The following PTPRN2 variants were observed in gnomAD, a reference collection of about 807,000 sequenced individuals.
The protein encoded by PTPRN2 is receptor-type tyrosine-protein phosphatase N2.
PTPRN2 carries 74 observed loss-of-function variants against 118.8 expected under a neutral mutation model. The observed-to-expected ratio is 0.62, with a 90% CI of 0.52 to 0.76. The LOEUF (loss-of-function observed/expected upper bound fraction) is 0.76. Ranked by LOEUF, PTPRN2 falls within the 30% of genes least tolerant of loss-of-function variation. The probability of loss-of-function intolerance (pLI) is 0.00; values close to 1 mark genes in which losing one functional copy is unlikely to be tolerated. For synonymous variants in PTPRN2, 641 were observed against 608.0 expected (o/e 1.05, Z -0.80); for missense variants, 1,481 against 1,394.4 (o/e 1.06, Z -0.99).
At chr7:158,070,490 G>GTA (rs1337555077) in intron 11 of PTPRN2, among the ~76,000 whole-genome samples, 5 of 142,904 alleles carry the variant, frequency 3.5e-5, no homozygotes, top group African/African-American at 5.5e-5. Context: ...GCTCCTGGTG[G>GTA]TGGAGGTGCC....
At chr7:158,285,965 A>G (rs886547679) in intron 3 of PTPRN2, among the ~76,000 whole-genome samples, 2 of 152,096 alleles carry the variant, frequency 1.3e-5, no homozygotes, top group Non-Finnish European at 2.9e-5. Context: ...GCTAAACACA[A>G]CCAATTCCTG....
At chr7:158,083,453 C>T (rs1213700376) in intron 10 of PTPRN2, among the ~76,000 whole-genome samples, 1 of 152,182 alleles carries the variant, frequency 6.6e-6, no homozygotes, top group African/African-American at 2.4e-5. Flanking sequence ...GATTCCCTGA[C>T]AGATGGGACT....
intron 11 of PTPRN2, among the ~76,000 whole-genome samples, chr7:158,038,934 A>AT (rs1279625345): frequency 6.6e-6 from 1 of 152,148 alleles, no homozygotes; most frequent in Non-Finnish European, 1.5e-5. Flanking sequence ...GAGCTATAGA[A>AT]AGCTGCTCCA....
At chr7:157,767,656 C>T (rs1349943923) in intron 12 of PTPRN2, among the ~76,000 whole-genome samples, 3 of 152,198 alleles carry the variant, frequency 2.0e-5, no homozygotes, top group South Asian at 2.1e-4. Context: ...TGGTCACAGG[C>T]GAACACTGTT....
At position 158,111,744 on chromosome 7, in the gene PTPRN2, G is replaced by A. The variant is rs148246592; in HGVS notation, c.1557-829C>T. On this transcript the variant is annotated intron_variant, in intron 9 of 22. Coordinates refer to ENST00000389418, the MANE Select transcript of PTPRN2 (RefSeq NM_002847.5). Reference sequence around the variant, plus strand: ...GAACAGCAAGACCAGCCCTGCCCTCGAGGGGTTCACATTCTAGAGATGCTG... The same window carrying A: ...GAACAGCAAGACCAGCCCTGCCCTCAAGGGGTTCACATTCTAGAGATGCTG... Among the ~76,000 whole-genome samples the A allele has an allele frequency of 7.1e-3, 1,075 of 151,512 alleles. 15 individuals are homozygous for A. Among genetic ancestry groups the A allele is most frequent in the South Asian group, 0.019 (92 of 4,748 alleles).
chr7:158,167,401 T>C (rs1823132364), intron 5 of PTPRN2, 110 bp from the exon 6 acceptor site: 1 of 1,363,360 alleles, frequency 7.3e-7, no homozygotes, highest in Non-Finnish European at 9.8e-7. Flanking sequence ...GCCCTGGGGG[T>C]ACAAAGATGC....
chr7:158,253,001 C>G (rs1003760982), intron 3 of PTPRN2, among the ~76,000 whole-genome samples: 12 of 152,212 alleles, frequency 7.9e-5, no homozygotes, highest in African/African-American at 2.7e-4. Context: ...CCACGGCACT[C>G]AGAACTGAGG....
At chr7:158,082,646 T>C (rs1031565568) in intron 10 of PTPRN2, among the ~76,000 whole-genome samples, 2 of 152,216 alleles carry the variant, frequency 1.3e-5, no homozygotes, top group African/African-American at 4.8e-5. Flanking sequence ...CATTCTAACC[T>C]TACGGATATT....
In PTPRN2 at chr7:157,595,226, A is replaced by G. The variant is rs1214798110; in HGVS notation, c.2496+12T>C. ...TTTTCAGAAAGAGAGATTTTAATTTAAAAATGTTCACCTGCCAAAAGTCAG... is the reference window on the plus strand; with the variant it reads ...TTTTCAGAAAGAGAGATTTTAATTTGAAAATGTTCACCTGCCAAAAGTCAG... On this transcript the variant is annotated intron_variant, in intron 17 of 22. Coordinates refer to ENST00000389418, the MANE Select transcript of PTPRN2 (RefSeq NM_002847.5). 1.2e-6 allele frequency: 2 copies of G among 1,612,698 alleles called. No homozygotes were observed. The highest frequency in any genetic ancestry group is 2.2e-5 in the East Asian group (1 of 44,864).
chr7:158,004,859 T>C (rs1380467159), intron 11 of PTPRN2, among the ~76,000 whole-genome samples: 1 of 152,208 alleles, frequency 6.6e-6, no homozygotes, highest in Non-Finnish European at 1.5e-5. Flanking sequence ...TCTGTTCCTC[T>C]CATGATAATG....
chr7:158,265,025 C>G (rs555127604), intron 3 of PTPRN2, among the ~76,000 whole-genome samples: 1 of 152,252 alleles, frequency 6.6e-6, no homozygotes, highest in South Asian at 2.1e-4. Context: ...TACTCCAGGC[C>G]CCACAGCCCC....
At chr7:158,296,606 G>A (rs981924007) in intron 3 of PTPRN2, among the ~76,000 whole-genome samples, 8 of 152,166 alleles carry the variant, frequency 5.3e-5, no homozygotes, top group African/African-American at 1.9e-4. Context: ...GGGGCTTTAG[G>A]AGCTGTAAGC....
rs988821886 is a variant in PTPRN2, at chr7:157,615,517, G to A, written c.2344+5845C>T. On this transcript the variant is annotated intron_variant, in intron 15 of 22. Coordinates refer to ENST00000389418, the MANE Select transcript of PTPRN2 (RefSeq NM_002847.5). The surrounding 1 kb of genome is among the most constrained non-coding windows in gnomAD (Gnocchi z 4.3). ...ATGCTCGGGACCTGGGGACGGCTGG[G>A]GTGACCCCATCGCAAGGCCGGGCCG... is the stretch of plus-strand genomic sequence containing the variant. 12 of 471,234 alleles carry A rather than the reference G, an allele frequency of 2.5e-5. No homozygotes were observed. In the East Asian group the frequency reaches 7.6e-4, roughly 30 times the overall value. The allele number at this position is 471,234 out of a possible 1,614,324, so 29.2% of individuals were successfully genotyped here.
chr7:158,129,182 C>T lies in PTPRN2; in HGVS notation c.1556+4495G>A, dbSNP rs771142177. ...CACCACACACATACAACACATACCA[C>T]GCCACACACTACACACCACAAACAG... On this transcript the variant is annotated intron_variant, in intron 9 of 22. Coordinates refer to ENST00000389418, the MANE Select transcript of PTPRN2 (RefSeq NM_002847.5). Among the ~76,000 whole-genome samples, 154 of 147,554 alleles carry T rather than the reference C, an allele frequency of 1.0e-3. 3 individuals carry two copies. The highest frequency in any genetic ancestry group is 1.3e-3 in the Non-Finnish European group (86 of 67,130).
rs1585066108 is a variant in PTPRN2, at chr7:157,585,704, G to A, written c.2497-7564C>T. On this transcript the variant is annotated intron_variant, in intron 17 of 22. Transcript: ENST00000389418. The surrounding 1 kb of genome is among the most constrained non-coding windows in gnomAD (Gnocchi z 5.2). ...TTCAAGATCAGGACCTGACATAAATGCATCAGATCCAGTTGTGAAGCAAGA... is the reference window on the plus strand; with the variant it reads ...TTCAAGATCAGGACCTGACATAAATACATCAGATCCAGTTGTGAAGCAAGA... Among the ~76,000 whole-genome samples the A allele has an allele frequency of 6.6e-6, 1 of 152,176 alleles. No homozygotes were observed. The highest frequency in any genetic ancestry group is 1.9e-4 in the East Asian group (1 of 5,190).
intron 12 of PTPRN2, among the ~76,000 whole-genome samples, chr7:157,867,973 T>C (rs73746677): frequency 0.047 from 7,170 of 152,274 alleles, 477 homozygotes; most frequent in African/African-American, 0.14. Flanking sequence ...CAGCCCAAGC[T>C]GCCCAGACTT....
At chr7:158,557,036 G>A (rs1827069827) in intron 1 of PTPRN2, among the ~76,000 whole-genome samples, 1 of 134,134 alleles carries the variant, frequency 7.5e-6, no homozygotes, top group African/African-American at 3.0e-5. Flanking sequence ...AGGTCAGAGG[G>A]CTCCCGCGCA....
intron 2 of PTPRN2, among the ~76,000 whole-genome samples, chr7:158,355,672 TG>T (rs1808334764): frequency 6.6e-6 from 1 of 152,186 alleles, no homozygotes; most frequent in African/African-American, 2.4e-5. Flanking sequence ...CCTCATTTGC[TG>T]GACTCTGCAG....
Position 158,546,520 on chromosome 7 carries a change from G to T in PTPRN2, c.112+41038C>A, listed in dbSNP as rs565078100. Among the ~76,000 whole-genome samples, 33 of 152,316 alleles carry T rather than the reference G, an allele frequency of 2.2e-4. No individual in the cohort carries two copies. Among genetic ancestry groups the T allele is most frequent in the African/African-American group, 7.9e-4 (33 of 41,570 alleles). The stretch of plus-strand genomic sequence containing the variant: ...GATGTCTAAGTGACTATAGGGCCAT[G>T]AAGAAGGGGCCTCCTGATAATCCCT... On this transcript the variant is annotated intron_variant, in intron 1 of 22. Transcript: ENST00000389418. The surrounding 1 kb of genome is among the most constrained non-coding windows in gnomAD (Gnocchi z 5.0).
Sources: allele counts gnomAD v4.1 joint callset (sites outside exome capture counted in the v4.1 genomes callset), GRCh38; gene constraint gnomAD v4.1.1; non-coding constraint Gnocchi (gnomAD v3.1); transcripts MANE v1.5; gene names NCBI Gene and HGNC (gene_info 2026-07-23, HGNC 2026-07-21).